The following CBLB variants were observed in gnomAD, a reference collection of about 807,000 sequenced individuals.
CBLB encodes E3 ubiquitin-protein ligase CBL-B.
In CBLB, 31 loss-of-function variants were observed where a neutral mutation model predicts 104.9. The ratio of observed to expected loss-of-function variants is 0.30; its 90% CI spans 0.22 to 0.40. The LOEUF is 0.40. Among genes scored for constraint, CBLB ranks in the 10% least tolerant of loss-of-function variants. The pLI is 1.00. For synonymous variants in CBLB, 440 were observed against 422.6 expected (o/e 1.04, Z -0.51); for missense variants, 1,062 against 1,214.6 (o/e 0.87, Z 1.87).
At chr3:105,864,310 C>T (rs1364342649) in intron 2 of CBLB, among the ~76,000 whole-genome samples, 1 of 152,178 alleles carries the variant, frequency 6.6e-6, no homozygotes. Context: ...TTCATATCCC[C>T]AGTAACGAGC....
rs374494388 is a variant in CBLB, at chr3:105,682,473, GT to G, written c.2202-656del. Reference sequence around the variant, plus strand: ...ACAGTTTTTAATGTGTTTGTAAAGGGTACTACTTACCAGAAAAGTATGCTTG... The same window carrying G: ...ACAGTTTTTAATGTGTTTGTAAAGGGACTACTTACCAGAAAAGTATGCTTG... On this transcript the variant is annotated intron_variant, in intron 14 of 18. Transcript: ENST00000394030. 7.9e-5 allele frequency among the ~76,000 whole-genome samples: 12 copies of G among 152,204 alleles called. No individual in the cohort carries two copies. The East Asian group carries it at 2.3e-3, about 29-fold the overall frequency.
chr3:105,693,452 T>C, intron 13 of CBLB, 42 bp downstream of exon 13: 12 of 1,307,676 alleles, frequency 9.2e-6, no homozygotes, highest in Non-Finnish European at 1.2e-5. Context: ...CTACCATATC[T>C]TGATGCATAG....
chr3:105,767,554 T>C (rs1387003983), intron 4 of CBLB, among the ~76,000 whole-genome samples: 4 of 37,468 alleles, frequency 1.1e-4, no homozygotes, highest in East Asian at 7.8e-4. Context: ...AAATTTTTCT[T>C]TTTCTTTCTT....
At chr3:105,834,769 G>A (rs1037378199) in intron 3 of CBLB, among the ~76,000 whole-genome samples, 3 of 152,182 alleles carry the variant, frequency 2.0e-5, no homozygotes, top group Admixed American at 6.5e-5. Flanking sequence ...AAAATATGAA[G>A]GACTAGGTTA....
rs1382469318 is a variant in CBLB, at chr3:105,657,538, A to G, written c.*1432T>C. ...TATCAGACAGACTTTGTCATAAAAA[A>G]CACAGAAAAACAAAAATAAAACATT... On this transcript the variant is annotated 3_prime_UTR_variant, in exon 19 of 19. Transcript: ENST00000394030. 9.7e-6 allele frequency: 2 copies of G among 206,124 alleles called. No individual in the cohort carries two copies. Among genetic ancestry groups the G allele is most frequent in the Non-Finnish European group, 2.0e-5 (2 of 100,802 alleles). 12.8% of individuals were successfully genotyped at this position (206,124 alleles called of 1,614,324 possible). A position where few individuals can be genotyped will look rare whatever the true frequency, so the allele number is the denominator to read the frequency against.
chr3:105,816,693 G>C (rs2085104734), intron 3 of CBLB, among the ~76,000 whole-genome samples: 1 of 152,092 alleles, frequency 6.6e-6, no homozygotes, highest in African/African-American at 2.4e-5. Flanking sequence ...ATAAAGCTAA[G>C]TACTTTTTAA....
chr3:105,744,758 C>T (rs2075942590), intron 6 of CBLB, among the ~76,000 whole-genome samples: 2 of 151,872 alleles, frequency 1.3e-5, no homozygotes, highest in Admixed American at 1.3e-4. Flanking sequence ...GGTGAAACCC[C>T]ATCTCTACTA....
rs924389698 is a variant in CBLB, at chr3:105,868,751, C to G, written c.-30G>C. On this transcript the variant is annotated 5_prime_UTR_variant, in exon 1 of 19. Transcript: ENST00000394030. ...CCCTTCTTGCCTTTCGGCGCCGTAG[C>G]TGTCCAGAGACACGCGTGTGCGCGG... 2.8e-5 allele frequency: 28 copies of G among 989,160 alleles called. No individual in the cohort carries two copies. Among genetic ancestry groups the G allele is most frequent in the Non-Finnish European group, 3.4e-5 (28 of 832,018 alleles). The allele number at this position is 989,160 out of a possible 1,614,324, so 61.3% of individuals were successfully genotyped here.
chr3:105,658,659 A>C lies in CBLB; in HGVS notation c.*311T>G, dbSNP rs1002671213. 4.7e-6 allele frequency: 2 copies of C among 428,982 alleles called. No individual in the cohort carries two copies. Among genetic ancestry groups the C allele is most frequent in the Non-Finnish European group, 8.4e-6 (2 of 236,908 alleles). 26.6% of individuals were successfully genotyped at this position (428,982 alleles called of 1,614,324 possible). On this transcript the variant is annotated 3_prime_UTR_variant, in exon 19 of 19. Coordinates refer to ENST00000394030, the MANE Select transcript of CBLB (RefSeq NM_170662.5). ...TAAACTAAAAACAAGAACAAACTGC[A>C]ACTTTGCCAAACTGTAAACAAGGTA...
At position 105,678,429 on chromosome 3, in the gene CBLB, AC is replaced by A. The variant is rs1467999792; in HGVS notation, c.2569+1del. The A allele has an allele frequency of 4.3e-6, 7 of 1,613,780 alleles. No homozygotes were observed. In the East Asian group the frequency reaches 1.6e-4, roughly 36 times the overall value. ...TAGTTTTCTTTGGCTTTTCCCTCCT[AC>A]CTGAAGGAAGAAGAAAAAGATCCTG... On this transcript the variant is annotated splice_donor_variant, in intron 17 of 18. Coordinates refer to ENST00000394030, the MANE Select transcript of CBLB (RefSeq NM_170662.5). LOFTEE classifies it high-confidence loss of function.
At chr3:105,666,412 G>A (rs1029060273) in intron 18 of CBLB, among the ~76,000 whole-genome samples, 2 of 152,088 alleles carry the variant, frequency 1.3e-5, no homozygotes, top group East Asian at 1.9e-4. Flanking sequence ...TGCTGGCCAC[G>A]CGCAGTGGCT....
intron 3 of CBLB, among the ~76,000 whole-genome samples, chr3:105,792,013 A>C (rs2081706575): frequency 6.6e-6 from 1 of 152,232 alleles, no homozygotes; most frequent in Non-Finnish European, 1.5e-5. Context: ...TTATTTAAAT[A>C]AGTGTCTAAT....
chr3:105,691,342 G>A (rs945055032), intron 13 of CBLB, among the ~76,000 whole-genome samples: 2 of 152,128 alleles, frequency 1.3e-5, no homozygotes, highest in Non-Finnish European at 2.9e-5. Context: ...CTGTTTCTGA[G>A]GGAAAAATCA....
At chr3:105,769,941 T>A (rs987882104) in intron 4 of CBLB, among the ~76,000 whole-genome samples, 1 of 152,194 alleles carries the variant, frequency 6.6e-6, no homozygotes, top group Non-Finnish European at 1.5e-5. Context: ...ATGCAGAGCA[T>A]GAATTTAAAT....
intron 3 of CBLB, among the ~76,000 whole-genome samples, chr3:105,779,906 T>A (rs747852708): frequency 1.4e-4 from 22 of 151,816 alleles, no homozygotes; most frequent in Non-Finnish European, 2.8e-4. Context: ...CAGAATGGAG[T>A]GCAATGGTGT....
chr3:105,763,051 G>C (rs1189495135), intron 4 of CBLB, among the ~76,000 whole-genome samples: 1 of 152,152 alleles, frequency 6.6e-6, no homozygotes, highest in African/African-American at 2.4e-5. Flanking sequence ...TTTAAGGTTT[G>C]ACTGGCCCGC....
chr3:105,708,671 C>A (rs995885770), intron 10 of CBLB, among the ~76,000 whole-genome samples: 3 of 151,710 alleles, frequency 2.0e-5, no homozygotes, highest in African/African-American at 4.8e-5. Context: ...TATAAAGAGG[C>A]CATGCAGTCT....
At chr3:105,724,821 A>T (rs1022603588) in intron 9 of CBLB, among the ~76,000 whole-genome samples, 1 of 152,192 alleles carries the variant, frequency 6.6e-6, no homozygotes, top group African/African-American at 2.4e-5. Flanking sequence ...CTCTCTAAAT[A>T]TTAATTCATT....
chr3:105,847,181 C>G (rs1375246497), intron 3 of CBLB, among the ~76,000 whole-genome samples: 1 of 151,922 alleles, frequency 6.6e-6, no homozygotes, highest in South Asian at 2.1e-4. Context: ...CAAGTAGAAA[C>G]AGCAAGCATA....
Sources: gnomAD v4.1 joint callset for allele counts (sites outside exome capture counted in the v4.1 genomes callset) on GRCh38, gnomAD v4.1.1 for gene constraint, MANE v1.5 for transcripts, NCBI Gene and HGNC (gene_info 2026-07-23, HGNC 2026-07-21) for gene names.